Variants in MTMR3 observed in about 807,000 individuals in gnomAD.
MTMR3 encodes phosphatidylinositol-3,5-bisphosphate 3-phosphatase MTMR3.
MTMR3 carries 32 observed loss-of-function variants against 132.4 expected under a neutral mutation model. That is an observed-to-expected ratio of 0.24 (90% confidence interval 0.18 to 0.32). The LOEUF (loss-of-function observed/expected upper bound fraction) is 0.32, where lower values mean the gene tolerates loss of function less well. Ranked by LOEUF, MTMR3 falls within the 10% of genes least tolerant of loss-of-function variation. The pLI, the probability that MTMR3 is intolerant of heterozygous loss-of-function variation, is 1.00. For synonymous variants in MTMR3, 556 were observed against 550.3 expected (o/e 1.01, Z -0.14); for missense variants, 1,216 against 1,489.6 (o/e 0.82, Z 3.02).
intron 1 of MTMR3, among the ~76,000 whole-genome samples, chr22:29,901,838 T>C (rs1411543664): frequency 6.6e-6 from 1 of 152,232 alleles, no homozygotes; most frequent in Non-Finnish European, 1.5e-5. Context: ...TGACATCTTT[T>C]ATTTAACCTA....
At chr22:29,971,171 T>G in intron 3 of MTMR3, 109 bp downstream of exon 3, 1 of 1,135,066 alleles carries the variant, frequency 8.8e-7, no homozygotes, top group Non-Finnish European at 1.2e-6. Context: ...TTGTAAGAAA[T>G]TATTTCTTTT....
intron 1 of MTMR3, among the ~76,000 whole-genome samples, chr22:29,883,734 G>C (rs1195900003): frequency 6.6e-6 from 1 of 152,200 alleles, no homozygotes; most frequent in Non-Finnish European, 1.5e-5. Flanking sequence ...CCGGGAGGTG[G>C]GTGTGCGCCC....
chr22:29,979,227 T>G (rs1569033797), intron 5 of MTMR3, 175 bp downstream of exon 5: 1 of 480,798 alleles, frequency 2.1e-6, no homozygotes, highest in Non-Finnish European at 3.8e-6. Context: ...GCGCGGTGGC[T>G]CACGCCTGTA....
intron 1 of MTMR3, among the ~76,000 whole-genome samples, chr22:29,884,521 G>T (rs1377392221): frequency 6.8e-6 from 1 of 146,356 alleles, no homozygotes; most frequent in Non-Finnish European, 1.5e-5. Flanking sequence ...CCTATGACTT[G>T]GGTAGGCTAG....
intron 1 of MTMR3, among the ~76,000 whole-genome samples, chr22:29,923,662 T>C (rs1724653198): frequency 6.6e-6 from 1 of 152,216 alleles, no homozygotes; most frequent in Non-Finnish European, 1.5e-5. Context: ...CAGGGTTTGA[T>C]TTTTGGTGAT....
rs142332742 is a variant in MTMR3 at position 29,925,967 on chromosome 22, G to A, written c.-137-31069G>A. ...TATACAATGTAATGATTTTGGGCAT[G>A]TTCAGAGTTGCATGGTCATAACTGC... On this transcript the variant is annotated intron_variant, in intron 1 of 19. Transcript: ENST00000401950. Among the ~76,000 whole-genome samples, 243 of 152,246 alleles carry A rather than the reference G, an allele frequency of 1.6e-3. 1 individual carries two copies. The highest frequency in any genetic ancestry group is 5.6e-3 in the African/African-American group (232 of 41,566).
At chr22:29,937,534 A>T (rs1025287377) in intron 1 of MTMR3, among the ~76,000 whole-genome samples, 1 of 152,074 alleles carries the variant, frequency 6.6e-6, no homozygotes, top group Non-Finnish European at 1.5e-5. Context: ...CTCCTGCCTC[A>T]GCCTCCCGAG....
chr22:29,910,397 T>G (rs1218710696), intron 1 of MTMR3, among the ~76,000 whole-genome samples: 7 of 152,220 alleles, frequency 4.6e-5, no homozygotes, highest in African/African-American at 1.7e-4. Context: ...TGGTTTTTAT[T>G]TAACACTCAG....
intron 1 of MTMR3, among the ~76,000 whole-genome samples, chr22:29,902,610 G>A (rs927297500): frequency 1.3e-5 from 2 of 151,888 alleles, no homozygotes; most frequent in African/African-American, 2.4e-5. Flanking sequence ...CTTGTGATCC[G>A]CCTGTCTTGG....
intron 9 of MTMR3, 59 bp downstream of exon 9, chr22:30,003,052 C>G: frequency 7.9e-7 from 1 of 1,270,884 alleles, no homozygotes; most frequent in Non-Finnish European, 1.1e-6. Context: ...TGCATATGGT[C>G]TGCTGCCTCT....
chr22:29,915,303 G>T (rs1456356896), intron 1 of MTMR3, among the ~76,000 whole-genome samples: 2 of 152,102 alleles, frequency 1.3e-5, no homozygotes, highest in African/African-American at 4.8e-5. Flanking sequence ...CACAGTATTT[G>T]CATAATTTTT....
intron 1 of MTMR3, among the ~76,000 whole-genome samples, chr22:29,948,914 G>A (rs1293479752): frequency 6.6e-6 from 1 of 151,568 alleles, no homozygotes; most frequent in African/African-American, 2.4e-5. Flanking sequence ...AGACCAATGA[G>A]ACCACATCTC....
chr22:29,884,079 T>C (rs1279785138), intron 1 of MTMR3, among the ~76,000 whole-genome samples: 3 of 152,202 alleles, frequency 2.0e-5, no homozygotes, highest in Admixed American at 1.3e-4. Context: ...TATGTCAAAA[T>C]TATGGGGTAG....
intron 1 of MTMR3, among the ~76,000 whole-genome samples, chr22:29,890,981 T>C (rs2064785879): frequency 6.6e-6 from 1 of 150,388 alleles, no homozygotes; most frequent in South Asian, 2.1e-4. Flanking sequence ...CTTATGAATA[T>C]AGCCGCTGTA....
At chr22:29,999,997 G>A (rs1205050904) in intron 8 of MTMR3, 4 of 151,998 alleles carry the variant, frequency 2.6e-5, no homozygotes, top group Non-Finnish European at 5.9e-5. Flanking sequence ...GGGTGATAGA[G>A]TGAGACTCTG....
intron 3 of MTMR3, among the ~76,000 whole-genome samples, chr22:29,971,725 A>G (rs1040074020): frequency 1.3e-5 from 2 of 152,076 alleles, no homozygotes; most frequent in African/African-American, 4.8e-5. Context: ...TTAATGGACA[A>G]TTTAATGACT....
chr22:29,891,215 A>G (rs935812693), intron 1 of MTMR3, among the ~76,000 whole-genome samples: 13 of 151,972 alleles, frequency 8.6e-5, no homozygotes, highest in African/African-American at 2.7e-4. Context: ...AATACGAACA[A>G]AAAATCAACA....
chr22:29,887,059 A>G (rs1343129590), intron 1 of MTMR3, among the ~76,000 whole-genome samples: 1 of 152,232 alleles, frequency 6.6e-6, no homozygotes, highest in Non-Finnish European at 1.5e-5. Flanking sequence ...CAAATTATTA[A>G]CATGTCATTG....
In MTMR3 at chr22:30,025,316, C is replaced by T. The variant is rs1437915882; in HGVS notation, c.3426-314C>T. The stretch of plus-strand genomic sequence containing the variant: ...GGGTTTTCCTGGATCAGGACTAACC[C>T]ATTGTTAGGACCATGTATTCTTACA... On this transcript the variant is annotated intron_variant, in intron 19 of 19. Transcript: ENST00000401950. 8.2e-6 allele frequency: 3 copies of T among 366,306 alleles called. No homozygotes were observed. In the Admixed American group the frequency reaches 1.1e-4, roughly 14 times the overall value. 22.7% of individuals were successfully genotyped at this position (366,306 alleles called of 1,614,324 possible).
Sources: allele counts gnomAD v4.1 joint callset (sites outside exome capture counted in the v4.1 genomes callset), GRCh38; gene constraint gnomAD v4.1.1; transcripts MANE v1.5; gene names NCBI Gene and HGNC (gene_info 2026-07-23, HGNC 2026-07-21).